Variants in KIF21A observed in about 807,000 individuals in gnomAD.
KIF21A encodes the protein kinesin-like protein KIF21A.
In KIF21A, 114 loss-of-function variants were observed where a neutral mutation model predicts 202.9. That is an observed-to-expected ratio of 0.56 (90% CI 0.48 to 0.66). The LOEUF (loss-of-function observed/expected upper bound fraction) is 0.66, where lower values mean the gene tolerates loss of function less well. Ranked by LOEUF, KIF21A falls within the 30% of genes least tolerant of loss-of-function variation. The pLI is 0.00. For synonymous variants in KIF21A, 667 were observed against 670.8 expected (o/e 0.99, Z 0.09); for missense variants, 1,677 against 1,994.9 (o/e 0.84, Z 3.04).
intron 7 of KIF21A, 91 bp from the exon 8 acceptor site, chr12:39,358,464 T>C (rs1948962674): frequency 1.7e-6 from 2 of 1,195,096 alleles, no homozygotes; most frequent in Non-Finnish European, 2.5e-6. Flanking sequence ...TTGAATAGTA[T>C]CTTCTCTTCA....
chr12:39,423,027 T>C (rs968973201), intron 1 of KIF21A, among the ~76,000 whole-genome samples: 2 of 152,258 alleles, frequency 1.3e-5, no homozygotes, highest in Admixed American at 1.3e-4. Context: ...TATTATAGGA[T>C]TATTGTGAGG....
chr12:39,395,896 C>T (rs1213382064), intron 1 of KIF21A, among the ~76,000 whole-genome samples: 1 of 151,070 alleles, frequency 6.6e-6, no homozygotes, highest in Non-Finnish European at 1.5e-5. Context: ...TTTCTTCCTT[C>T]CCCCCGCCTC....
intron 1 of KIF21A, among the ~76,000 whole-genome samples, chr12:39,399,785 G>A (rs777061126): frequency 1.9e-4 from 29 of 152,026 alleles, no homozygotes; most frequent in Non-Finnish European, 3.7e-4. Flanking sequence ...ACCTCAATTC[G>A]GATCCTCTCT....
chr12:39,334,776 G>A (rs1257897172), intron 17 of KIF21A, among the ~76,000 whole-genome samples: 1 of 152,134 alleles, frequency 6.6e-6, no homozygotes, highest in Admixed American at 6.6e-5. Context: ...GAGTATGAAT[G>A]TTAGCTTTAT....
chr12:39,299,370 T>G (rs1942743004), intron 37 of KIF21A, among the ~76,000 whole-genome samples: 1 of 151,800 alleles, frequency 6.6e-6, no homozygotes, highest in South Asian at 2.1e-4. Flanking sequence ...AGCTCAACAT[T>G]ATTAGAGAAA....
chr12:39,408,088 A>G (rs1183218167), intron 1 of KIF21A, among the ~76,000 whole-genome samples: 1 of 152,130 alleles, frequency 6.6e-6, no homozygotes, highest in Non-Finnish European at 1.5e-5. Context: ...ACATTAAAGA[A>G]TGGAGAAGAA....
chr12:39,348,996 G>A (rs1348120488), intron 11 of KIF21A, among the ~76,000 whole-genome samples: 2 of 151,952 alleles, frequency 1.3e-5, no homozygotes, highest in Non-Finnish European at 2.9e-5. Context: ...TGAATTTAAG[G>A]AGATCAGAGA....
At position 39,293,824 on chromosome 12, in the gene KIF21A, T is replaced by C. The variant is rs914068568; in HGVS notation, c.*600A>G. On this transcript the variant is annotated 3_prime_UTR_variant, in exon 38 of 38. Transcript: ENST00000361418. ...TGGTCAATACAAGTAAATGCCAACA[T>C]TTAACACAAACTGTCTACCCTTCTC... 2 of 153,404 alleles carry C rather than the reference T, an allele frequency of 1.3e-5. No homozygotes were observed. Among genetic ancestry groups the C allele is most frequent in the Non-Finnish European group, 2.9e-5 (2 of 68,622 alleles). The allele number at this position is 153,404 out of a possible 1,614,324, so 9.5% of individuals were successfully genotyped here. A position where few individuals can be genotyped will look rare whatever the true frequency, so the allele number is the denominator to read the frequency against.
At chr12:39,439,063 C>A (rs74334999) in intron 1 of KIF21A, among the ~76,000 whole-genome samples, 10,341 of 152,184 alleles carry the variant, frequency 0.068, 537 homozygotes, top group South Asian at 0.28. Flanking sequence ...TCCATACCTT[C>A]CTACACCCAT....
chr12:39,327,962 G>T (rs1003775709), intron 24 of KIF21A, among the ~76,000 whole-genome samples: 10 of 151,954 alleles, frequency 6.6e-5, no homozygotes, highest in African/African-American at 2.4e-4. Flanking sequence ...CCAAACAGTT[G>T]GATTTTTAAA....
intron 1 of KIF21A, among the ~76,000 whole-genome samples, chr12:39,389,227 CTGA>C (rs77295731): frequency 0.068 from 10,236 of 150,838 alleles, 528 homozygotes; most frequent in South Asian, 0.28. Context: ...TACATACATG[CTGA>C]TGTCTCCTGA....
At chr12:39,427,246 T>C (rs1255531417) in intron 1 of KIF21A, among the ~76,000 whole-genome samples, 1 of 152,242 alleles carries the variant, frequency 6.6e-6, no homozygotes, top group Non-Finnish European at 1.5e-5. Flanking sequence ...AAGTTACTTA[T>C]TATCCTTAAA....
At chr12:39,359,132 AATC>A (rs1195801747) in intron 7 of KIF21A, among the ~76,000 whole-genome samples, 5 of 152,318 alleles carry the variant, frequency 3.3e-5, no homozygotes, top group Middle Eastern at 6.8e-3. Flanking sequence ...AATGCCTATC[AATC>A]ATAATCTTAG....
chr12:39,361,954 G>A (rs1949270735), intron 7 of KIF21A, among the ~76,000 whole-genome samples: 1 of 152,180 alleles, frequency 6.6e-6, no homozygotes, highest in Non-Finnish European at 1.5e-5. Flanking sequence ...CAGTGTTGGA[G>A]GTGGGGCCTT....
intron 1 of KIF21A, among the ~76,000 whole-genome samples, chr12:39,434,228 C>A (rs1000360935): frequency 2.0e-5 from 3 of 152,122 alleles, no homozygotes; most frequent in African/African-American, 7.2e-5. Context: ...AGAGCATGCA[C>A]AAGAGAACAA....
chr12:39,307,528 C>G (rs1223279427), intron 34 of KIF21A, 37 bp downstream of exon 34: 1 of 1,594,556 alleles, frequency 6.3e-7, no homozygotes, highest in East Asian at 2.2e-5. Context: ...GTTGTATTTG[C>G]CATAGGCAAG....
intron 31 of KIF21A, chr12:39,312,837 T>C (rs1944162101): frequency 6.6e-6 from 1 of 151,856 alleles, no homozygotes; most frequent in Non-Finnish European, 1.5e-5. Context: ...ATTAAAATAA[T>C]GGTGTTGGGG....
At chr12:39,320,129 T>C in intron 27 of KIF21A, 116 bp from the exon 28 acceptor site, 1 of 644,568 alleles carries the variant, frequency 1.6e-6, no homozygotes, top group South Asian at 1.8e-5. Context: ...GAAAGATTAT[T>C]ACTTGAGAAC....
chr12:39,317,992 G>T, intron 29 of KIF21A, 81 bp downstream of exon 29: 2 of 1,391,648 alleles, frequency 1.4e-6, no homozygotes, highest in Non-Finnish European at 1.0e-6. Flanking sequence ...ACACAGAGAT[G>T]ACTACATGTT....
Sources: gnomAD v4.1 joint callset for allele counts (sites outside exome capture counted in the v4.1 genomes callset) on GRCh38, gnomAD v4.1.1 for gene constraint, MANE v1.5 for transcripts, NCBI Gene and HGNC (gene_info 2026-07-23, HGNC 2026-07-21) for gene names.